The following CSMD1 variants were observed in gnomAD, a reference collection of about 807,000 sequenced individuals.
The protein encoded by CSMD1 is CUB and sushi domain-containing protein 1.
Under a neutral mutation model 417.5 loss-of-function variants are expected in CSMD1, and 213 were observed. The ratio of observed to expected loss-of-function variants is 0.51; its 90% CI spans 0.46 to 0.57. The LOEUF is 0.57. Ranked by LOEUF, CSMD1 falls within the 20% of genes least tolerant of loss-of-function variation. The pLI, the probability that CSMD1 is intolerant of heterozygous loss-of-function variation, is 0.00. For missense variants in CSMD1, 6,923 were observed against 4,529.7 expected (o/e 1.53, Z -15.17); for synonymous variants, 2,862 against 1,736.8 (o/e 1.65, Z -16.11).
At chr8:4,471,669 G>A (rs1280555012) in intron 2 of CSMD1, among the ~76,000 whole-genome samples, 3 of 152,154 alleles carry the variant, frequency 2.0e-5, no homozygotes, top group Non-Finnish European at 2.9e-5. Flanking sequence ...CACCCTGGTT[G>A]AGGAAGGCCA....
At chr8:3,402,610 G>A (rs1585111111) in intron 15 of CSMD1, among the ~76,000 whole-genome samples, 1 of 152,078 alleles carries the variant, frequency 6.6e-6, no homozygotes. Flanking sequence ...TAAAAAAATT[G>A]CTCTATTGTG....
intron 5 of CSMD1, among the ~76,000 whole-genome samples, chr8:3,987,766 G>C (rs1192642746): frequency 6.6e-6 from 1 of 152,164 alleles, no homozygotes; most frequent in Admixed American, 6.5e-5. Flanking sequence ...ACAGGACTCA[G>C]GCCAAAGCAG....
At chr8:3,629,963 T>C (rs1471454196) in intron 7 of CSMD1, among the ~76,000 whole-genome samples, 1 of 152,224 alleles carries the variant, frequency 6.6e-6, no homozygotes, top group African/African-American at 2.4e-5. Context: ...TGAATTATAT[T>C]TAAAAACTGG....
chr8:4,258,063 C>G (rs1803587524), intron 3 of CSMD1, among the ~76,000 whole-genome samples: 1 of 151,806 alleles, frequency 6.6e-6, no homozygotes, highest in African/African-American at 2.4e-5. Flanking sequence ...CCCACCTCAG[C>G]CTCCCTAGTA....
chr8:4,787,261 T>C lies in CSMD1; in HGVS notation c.86-149703A>G. 5.2e-6 allele frequency: 3 copies of C among 575,156 alleles called. No homozygotes were observed. In the South Asian group the frequency reaches 5.9e-5, roughly 11 times the overall value. 35.6% of individuals were successfully genotyped at this position (575,156 alleles called of 1,614,324 possible). On this transcript the variant is annotated intron_variant, in intron 1 of 69. Transcript: ENST00000635120. ...TCCTTCCCCGCCCAGAGATGCTCTCTGATCACCCCTCTTTTCTAGAGCTCT... is the reference window on the plus strand; with the variant it reads ...TCCTTCCCCGCCCAGAGATGCTCTCCGATCACCCCTCTTTTCTAGAGCTCT...
intron 3 of CSMD1, among the ~76,000 whole-genome samples, chr8:4,070,524 T>C (rs560160186): frequency 2.0e-5 from 3 of 151,932 alleles, no homozygotes; most frequent in Non-Finnish European, 4.4e-5. Context: ...CGGCCGGCTA[T>C]TTTTTTGTAT....
At chr8:4,368,599 T>C (rs1271160536) in intron 3 of CSMD1, among the ~76,000 whole-genome samples, 1 of 152,168 alleles carries the variant, frequency 6.6e-6, no homozygotes, top group Admixed American at 6.5e-5. Context: ...ATACATTTGG[T>C]CCAGGACTTT....
intron 1 of CSMD1, among the ~76,000 whole-genome samples, chr8:4,771,066 G>C (rs888189026): frequency 6.6e-6 from 1 of 152,134 alleles, no homozygotes; most frequent in Non-Finnish European, 1.5e-5. Context: ...ATCAGATAAG[G>C]AGTTAATATT....
chr8:4,416,773 C>T (rs922206247), intron 3 of CSMD1, among the ~76,000 whole-genome samples: 3 of 151,946 alleles, frequency 2.0e-5, no homozygotes, highest in Non-Finnish European at 4.4e-5. Flanking sequence ...TTCTGACTTC[C>T]TAGATGTTTT....
At chr8:3,787,723 G>A (rs531584240) in intron 5 of CSMD1, among the ~76,000 whole-genome samples, 2 of 152,136 alleles carry the variant, frequency 1.3e-5, no homozygotes, top group Admixed American at 6.6e-5. Flanking sequence ...CATTACATTT[G>A]TAAGAAAAAC....
chr8:4,103,098 T>C (rs533118828), intron 3 of CSMD1, among the ~76,000 whole-genome samples: 80 of 152,256 alleles, frequency 5.3e-4, no homozygotes, highest in South Asian at 1.9e-3. Context: ...GACAGTTCTA[T>C]AAAGTGGATT....
intron 5 of CSMD1, among the ~76,000 whole-genome samples, chr8:3,849,619 G>A (rs768698770): frequency 3.9e-5 from 6 of 152,150 alleles, no homozygotes; most frequent in Non-Finnish European, 8.8e-5. Context: ...GGGCCTGTCT[G>A]CTGGAGCCTA....
At chr8:3,813,901 T>C (rs2129078700) in intron 5 of CSMD1, among the ~76,000 whole-genome samples, 1 of 152,330 alleles carries the variant, frequency 6.6e-6, no homozygotes, top group African/African-American at 2.4e-5. Flanking sequence ...TCCTTTTTGC[T>C]ACTCTTCTTA....
At chr8:3,926,240 G>C (rs2449817) in intron 5 of CSMD1, among the ~76,000 whole-genome samples, 2 of 151,934 alleles carry the variant, frequency 1.3e-5, no homozygotes, top group African/African-American at 4.8e-5. Flanking sequence ...TCTTTTATGT[G>C]TTAATGGTAA....
chr8:3,548,744 T>G (rs759153231), intron 10 of CSMD1, among the ~76,000 whole-genome samples: 1 of 151,324 alleles, frequency 6.6e-6, no homozygotes, highest in Non-Finnish European at 1.5e-5. Context: ...GAATTTGGGT[T>G]GTTTCTAAAG....
intron 54 of CSMD1, among the ~76,000 whole-genome samples, chr8:2,981,942 C>A (rs1039234561): frequency 1.3e-5 from 2 of 152,138 alleles, no homozygotes; most frequent in African/African-American, 4.8e-5. Context: ...TGGAGAGGAC[C>A]AGCTGGAAAT....
chr8:3,403,751 T>G (rs1362667256), intron 15 of CSMD1, among the ~76,000 whole-genome samples: 1 of 152,186 alleles, frequency 6.6e-6, no homozygotes, highest in African/African-American at 2.4e-5. Context: ...AGAATACGAT[T>G]TGCACCTGTG....
At chr8:3,949,635 G>C (rs754422883) in intron 5 of CSMD1, among the ~76,000 whole-genome samples, 4 of 152,038 alleles carry the variant, frequency 2.6e-5, no homozygotes, top group African/African-American at 7.2e-5. Context: ...ATGATTTTAG[G>C]TACAAGATTG....
intron 3 of CSMD1, among the ~76,000 whole-genome samples, chr8:4,290,976 T>G (rs1364227669): frequency 1.3e-5 from 2 of 152,182 alleles, no homozygotes; most frequent in Non-Finnish European, 2.9e-5. Context: ...AAATTTCATC[T>G]CCCTAAATTG....
Sources: allele counts gnomAD v4.1 joint callset (sites outside exome capture counted in the v4.1 genomes callset), GRCh38; gene constraint gnomAD v4.1.1; transcripts MANE v1.5; gene names NCBI Gene and HGNC (gene_info 2026-07-23, HGNC 2026-07-21).